VPS8: variants seen among roughly 807,000 people sequenced by gnomAD.
The protein encoded by VPS8 is VPS8 subunit of CORVET complex.
In VPS8, 129 loss-of-function variants were observed where a neutral mutation model predicts 216.4. That is an observed-to-expected ratio of 0.60 (90% CI 0.52 to 0.69). The LOEUF (loss-of-function observed/expected upper bound fraction) is 0.69, where lower values mean the gene tolerates loss of function less well. Among genes scored for constraint, VPS8 ranks in the 30% least tolerant of loss-of-function variants. The pLI is 0.00. For synonymous variants in VPS8, 571 were observed against 565.4 expected (o/e 1.01, Z -0.14); for missense variants, 1,531 against 1,683.5 (o/e 0.91, Z 1.59).
Position 184,852,203 on chromosome 3 carries a change from A to T in VPS8, c.754-297A>T, listed in dbSNP as rs551987448. Among the ~76,000 whole-genome samples, 19 of 152,310 alleles carry T rather than the reference A, an allele frequency of 1.2e-4. No homozygotes were observed. In the South Asian group the frequency reaches 1.7e-3, roughly 13 times the overall value. ...GCAAGTTACAAAAAGTTATTGTAAG[A>T]ACCCAAATAGAGAACTTTAGGGTTT... On this transcript the variant is annotated intron_variant, in intron 10 of 47. Coordinates refer to ENST00000625842, the MANE Select transcript of VPS8 (RefSeq NM_001009921.3).
chr3:184,813,408 A>C (rs570895059), intron 1 of VPS8, among the ~76,000 whole-genome samples: 1 of 152,116 alleles, frequency 6.6e-6, no homozygotes, highest in Non-Finnish European at 1.5e-5. Flanking sequence ...GTGTATGTCT[A>C]TGTCTGCCTG....
chr3:184,868,477 A>G (rs1017484257), intron 18 of VPS8, among the ~76,000 whole-genome samples: 3 of 152,204 alleles, frequency 2.0e-5, no homozygotes, highest in African/African-American at 7.2e-5. Context: ...AGAAAGAAAA[A>G]TAAAGGCTGT....
intron 4 of VPS8, among the ~76,000 whole-genome samples, chr3:184,833,852 CT>C (rs1242133269): frequency 1.3e-5 from 2 of 152,176 alleles, no homozygotes; most frequent in Non-Finnish European, 2.9e-5. Flanking sequence ...CAGAATTAAA[CT>C]GTTCTTCATT....
In VPS8 at chr3:184,868,994, C is replaced by T. The variant is rs1231392908; in HGVS notation, c.1555C>T (p.Leu519Phe). The T allele has an allele frequency of 1.3e-5, 21 of 1,610,434 alleles. No individual in the cohort carries two copies. The highest frequency in any genetic ancestry group is 1.8e-5 in the Non-Finnish European group (21 of 1,178,530). The change falls in exon 19 of 48, where the codon CTT becomes TTT. Residue 519 changes from leucine (L) to phenylalanine (F), a missense_variant. Coordinates refer to ENST00000625842, the MANE Select transcript of VPS8 (RefSeq NM_001009921.3). ...AGATTGTCTTACAGAAGCGTTGGCT[C>T]TTGCGTGGTCTTTCCATGAAGGAAA... ...KQDCLTEALALAWSFHEGKAK... is the reference protein window; with the variant it reads ...KQDCLTEALAFAWSFHEGKAK...
intron 36 of VPS8, among the ~76,000 whole-genome samples, chr3:184,953,202 A>T (rs1004681948): frequency 3.3e-5 from 5 of 152,192 alleles, no homozygotes; most frequent in African/African-American, 1.2e-4. Flanking sequence ...CCAAGCAAGG[A>T]GAATTGGCAG....
intron 13 of VPS8, among the ~76,000 whole-genome samples, chr3:184,854,427 C>G (rs959068121): frequency 6.6e-6 from 1 of 152,196 alleles, no homozygotes; most frequent in Non-Finnish European, 1.5e-5. Flanking sequence ...CTCTCATAGA[C>G]AGCATACAGT....
intron 46 of VPS8, among the ~76,000 whole-genome samples, chr3:185,036,889 C>T (rs1758981849): frequency 6.6e-6 from 1 of 151,986 alleles, no homozygotes; most frequent in African/African-American, 2.4e-5. Flanking sequence ...GCTTTGTTTT[C>T]ACCCACCTCC....
intron 25 of VPS8, among the ~76,000 whole-genome samples, chr3:184,905,125 G>C (rs2109014561): frequency 6.6e-6 from 1 of 152,216 alleles, no homozygotes; most frequent in South Asian, 2.1e-4. Flanking sequence ...TTTTACTACA[G>C]CATTAATCCA....
intron 42 of VPS8, among the ~76,000 whole-genome samples, chr3:184,990,628 A>T (rs1751768180): frequency 6.6e-6 from 1 of 152,310 alleles, no homozygotes; most frequent in Non-Finnish European, 1.5e-5. Context: ...AATTTGTCTT[A>T]GTTTATTCAG....
At chr3:184,910,830 C>T (rs1240386361) in intron 25 of VPS8, among the ~76,000 whole-genome samples, 2 of 152,186 alleles carry the variant, frequency 1.3e-5, no homozygotes, top group Non-Finnish European at 2.9e-5. Context: ...TCTCCTCCCC[C>T]AAATGAGGCT....
chr3:184,893,528 G>A, intron 22 of VPS8: 1 of 433,604 alleles, frequency 2.3e-6, no homozygotes, highest in Non-Finnish European at 3.2e-6. Flanking sequence ...CAATTTTGCT[G>A]GTCATAAAAG....
intron 1 of VPS8, among the ~76,000 whole-genome samples, chr3:184,818,237 A>G (rs1341715094): frequency 2.6e-5 from 4 of 152,190 alleles, no homozygotes; most frequent in Non-Finnish European, 5.9e-5. Flanking sequence ...TCTGTTAAAA[A>G]TAAGTCCACT....
chr3:184,849,107 C>T lies in VPS8; in HGVS notation c.578C>T (p.Thr193Ile). The change falls in exon 9 of 48, where the codon ACT becomes ATT. Residue 193 changes from threonine (T) to isoleucine (I), a missense_variant. Transcript: ENST00000625842. ...NQALRLCLGSTSVGGQYGAIS... is the reference protein window; with the variant it reads ...NQALRLCLGSISVGGQYGAIS... ...GCTTTGCGACTCTGTCTGGGTAGCA[C>T]TAGTGTTGGAGGTCAGTATGGCGCT... 2 of 1,613,474 alleles carry T rather than the reference C, an allele frequency of 1.2e-6. No individual in the cohort carries two copies. Among genetic ancestry groups the T allele is most frequent in the Non-Finnish European group, 1.7e-6 (2 of 1,179,536 alleles).
chr3:185,019,180 A>G (rs150157330), intron 45 of VPS8, among the ~76,000 whole-genome samples: 128 of 152,204 alleles, frequency 8.4e-4, no homozygotes, highest in African/African-American at 2.6e-3. Context: ...CTTACTCACC[A>G]TGGGGATTGC....
chr3:185,004,215 C>T (rs1190329849), intron 45 of VPS8, among the ~76,000 whole-genome samples: 3 of 151,512 alleles, frequency 2.0e-5, no homozygotes, highest in East Asian at 1.9e-4. Flanking sequence ...AACGAGACTC[C>T]GTCTGCAATC....
chr3:185,011,628 G>A (rs1755032347), intron 45 of VPS8, among the ~76,000 whole-genome samples: 1 of 152,202 alleles, frequency 6.6e-6, no homozygotes, highest in South Asian at 2.1e-4. Flanking sequence ...TGTAAATGTT[G>A]CTATGTTACA....
intron 14 of VPS8, 29 bp from the exon 15 acceptor site, chr3:184,859,956 T>G: frequency 2.5e-6 from 4 of 1,576,690 alleles, no homozygotes; most frequent in Non-Finnish European, 3.5e-6. Flanking sequence ...CAGTAGCTGG[T>G]TTTTAGGTTG....
At chr3:185,036,345 AC>A (rs1172970168) in intron 46 of VPS8, among the ~76,000 whole-genome samples, 1 of 152,182 alleles carries the variant, frequency 6.6e-6, no homozygotes, top group Non-Finnish European at 1.5e-5. Context: ...GGCATCACAT[AC>A]CTGACTTCAA....
intron 37 of VPS8, among the ~76,000 whole-genome samples, chr3:184,959,875 C>T (rs1428776207): frequency 6.6e-6 from 1 of 151,184 alleles, no homozygotes; most frequent in Non-Finnish European, 1.5e-5. Flanking sequence ...TTCTAGTATA[C>T]ATGTGCACAA....
Sources: allele counts gnomAD v4.1 joint callset (sites outside exome capture counted in the v4.1 genomes callset), GRCh38; gene constraint gnomAD v4.1.1; transcripts MANE v1.5; gene names NCBI Gene and HGNC (gene_info 2026-07-23, HGNC 2026-07-21).